Variants in POLA1 observed in about 807,000 individuals in gnomAD.
POLA1 encodes the protein DNA polymerase alpha catalytic subunit.
POLA1 carries 15 observed loss-of-function variants against 124.0 expected under a neutral mutation model. The observed-to-expected ratio is 0.12, with a 90% CI of 0.08 to 0.19. POLA1 has a LOEUF of 0.19. Ranked by LOEUF, POLA1 falls within the 10% of genes least tolerant of loss-of-function variation. POLA1 has a pLI of 1.00. For missense variants in POLA1, 886 were observed against 1,103.4 expected, an observed-to-expected ratio of 0.80 and a Z score of 2.79; for synonymous variants, 408 against 389.4, an observed-to-expected ratio of 1.05 and a Z score of -0.56.
chrX:24,696,351 G>C (rs1927998302), intron 1 of POLA1, among the ~76,000 whole-genome samples: 1 of 112,147 alleles, frequency 8.9e-6, no homozygotes, highest in Non-Finnish European at 1.9e-5. Context: ...CACAAAAATG[G>C]GCCAGTGAGG....
chrX:24,914,328 A>G (rs757105879), intron 35 of POLA1, among the ~76,000 whole-genome samples: 15 of 111,156 alleles, frequency 1.3e-4, no homozygotes, highest in Non-Finnish European at 2.4e-4. Context: ...CAACATTGAG[A>G]TCATCACAAG....
At chrX:24,969,721 G>A (rs752841970) in intron 36 of POLA1, among the ~76,000 whole-genome samples, 1 of 110,545 alleles carries the variant, frequency 9.0e-6, no homozygotes, top group African/African-American at 3.3e-5. Flanking sequence ...GTAAATGTGT[G>A]CCATAGTGGT....
intron 35 of POLA1, among the ~76,000 whole-genome samples, chrX:24,892,603 A>T (rs770054380): frequency 1.8e-5 from 2 of 111,964 alleles, no homozygotes; most frequent in South Asian, 7.5e-4. Context: ...ATTCACCAAA[A>T]ATAAAGCTTT....
intron 36 of POLA1, among the ~76,000 whole-genome samples, chrX:24,993,608 C>G (rs1279206815): frequency 9.0e-6 from 1 of 111,678 alleles, no homozygotes; most frequent in Non-Finnish European, 1.9e-5. Context: ...TGAGGCCTAA[C>G]GTGGGTGGCC....
intron 34 of POLA1, among the ~76,000 whole-genome samples, chrX:24,863,728 A>G (rs1043667579): frequency 2.7e-5 from 3 of 111,315 alleles, no homozygotes; most frequent in Non-Finnish European, 5.7e-5. Flanking sequence ...TTTTGCATTA[A>G]TGGTGCTCCC....
intron 36 of POLA1, among the ~76,000 whole-genome samples, chrX:24,978,171 A>C (rs1438945847): frequency 8.9e-6 from 1 of 111,822 alleles, no homozygotes; most frequent in Non-Finnish European, 1.9e-5. Flanking sequence ...TATAACCAGA[A>C]ATCAGAGAGT....
chrX:24,769,525 C>T lies in POLA1; in HGVS notation c.2964+20533C>T, dbSNP rs151187499. Among the ~76,000 whole-genome samples the T allele has an allele frequency of 5.2e-4, 58 of 111,443 alleles. No homozygotes were observed. The East Asian group carries it at 6.2e-3, about 12-fold the overall frequency. On this transcript the variant is annotated intron_variant, in intron 26 of 36. Transcript: ENST00000379068. ...AGGTTGGTCATCTTCCATTTGGTCT[C>T]AGAATTTTCCTTTCCAAAGAGTAGT...
At chrX:24,773,270 A>G (rs1346138112) in intron 26 of POLA1, among the ~76,000 whole-genome samples, 1 of 112,372 alleles carries the variant, frequency 8.9e-6, no homozygotes, top group Non-Finnish European at 1.9e-5. Context: ...GAAAGGTTTT[A>G]TTAGTGGGTT....
At chrX:24,851,272 A>G (rs927312387) in intron 34 of POLA1, among the ~76,000 whole-genome samples, 8 of 112,538 alleles carry the variant, frequency 7.1e-5, no homozygotes, top group African/African-American at 2.6e-4. Flanking sequence ...AATTTTATTG[A>G]ATGAGTTCAC....
At chrX:24,703,426 G>A (rs775292227) in intron 3 of POLA1, 79 bp downstream of exon 3, 301 of 683,668 alleles carry the variant, frequency 4.4e-4, no homozygotes, top group Non-Finnish European at 6.6e-4. Context: ...TCTCACTCAT[G>A]TGGTGGAGTT....
At chrX:24,925,551 A>G (rs2047677336) in intron 35 of POLA1, among the ~76,000 whole-genome samples, 1 of 112,126 alleles carries the variant, frequency 8.9e-6, no homozygotes, top group Admixed American at 9.5e-5. Flanking sequence ...GTCTTGTCAA[A>G]CCAGTTCAAA....
chrX:24,755,156 G>A (rs1240951838), intron 26 of POLA1, among the ~76,000 whole-genome samples: 1 of 112,230 alleles, frequency 8.9e-6, no homozygotes, highest in Non-Finnish European at 1.9e-5. Context: ...TAAAAATCAA[G>A]TAGCTAAATT....
chrX:24,770,478 C>T (rs907592323), intron 26 of POLA1, among the ~76,000 whole-genome samples: 2 of 111,738 alleles, frequency 1.8e-5, no homozygotes, highest in African/African-American at 6.5e-5. Context: ...GGGATGTCGT[C>T]TTTACAGGGT....
In POLA1 at chrX:24,833,196, A is replaced by G. The variant is rs182313214; in HGVS notation, c.3736+6595A>G. ...TTCCTAAGTTATTTCACTTAGAATA[A>G]TGGTCTTCATTTTCATCCAGATTGC... is the stretch of plus-strand genomic sequence containing the variant. On this transcript the variant is annotated intron_variant, in intron 32 of 36. Transcript: ENST00000379068. Among the ~76,000 whole-genome samples the G allele has an allele frequency of 4.5e-5, 5 of 111,637 alleles. No homozygotes were observed. In the Admixed American group the frequency reaches 4.8e-4, roughly 11 times the overall value.
chrX:24,783,532 C>T (rs1237235020), intron 26 of POLA1, among the ~76,000 whole-genome samples: 1 of 111,992 alleles, frequency 8.9e-6, no homozygotes, highest in Admixed American at 9.5e-5. Context: ...CTATTTTCCC[C>T]ATTCAGACTG....
At chrX:24,928,311 G>T (rs758342733) in intron 35 of POLA1, among the ~76,000 whole-genome samples, 214 of 111,752 alleles carry the variant, frequency 1.9e-3, no homozygotes, top group Non-Finnish European at 3.0e-3. Flanking sequence ...GCTTCAGTTG[G>T]CTGGCAAAGG....
At chrX:24,803,491 AAG>A (rs757180120) in intron 26 of POLA1, among the ~76,000 whole-genome samples, 19 of 111,176 alleles carry the variant, frequency 1.7e-4, no homozygotes, top group Admixed American at 6.7e-4. Flanking sequence ...AAGTGTGGAA[AAG>A]AGATCTCAAC....
intron 36 of POLA1, among the ~76,000 whole-genome samples, chrX:24,936,071 G>A (rs1032027135): frequency 4.5e-5 from 5 of 112,018 alleles, no homozygotes; most frequent in African/African-American, 1.6e-4. Flanking sequence ...CACTGCCACG[G>A]GGTCCTGTTC....
chrX:24,983,613 C>T (rs1286194019), intron 36 of POLA1, among the ~76,000 whole-genome samples: 1 of 112,258 alleles, frequency 8.9e-6, no homozygotes, highest in Non-Finnish European at 1.9e-5. Flanking sequence ...TCCCAGGTAT[C>T]CTATTGGTTT....
Sources: allele counts gnomAD v4.1 joint callset (sites outside exome capture counted in the v4.1 genomes callset), GRCh38; gene constraint gnomAD v4.1.1; transcripts MANE v1.5; gene names NCBI Gene and HGNC (gene_info 2026-07-23, HGNC 2026-07-21).